The following DYNC1I2 variants were observed in gnomAD, a reference collection of about 807,000 sequenced individuals.
DYNC1I2 encodes the protein cytoplasmic dynein 1 intermediate chain 2.
Under a neutral mutation model 88.6 loss-of-function variants are expected in DYNC1I2, and 53 were observed. The observed-to-expected ratio is 0.60, with a 90% confidence interval of 0.48 to 0.75. DYNC1I2 has a LOEUF of 0.75. Among genes scored for constraint, DYNC1I2 ranks in the 30% least tolerant of loss-of-function variants. The pLI is 0.00. For missense variants in DYNC1I2, 458 were observed against 766.6 expected (o/e 0.60, Z 4.75); for synonymous variants, 198 against 254.6 (o/e 0.78, Z 2.12).
At position 171,726,841 on chromosome 2, in the gene DYNC1I2, T is replaced by C. The variant is rs779843966; in HGVS notation, c.921T>C (p.His307=). ...ATAACAACAATGAAGATGCCCCTCA[T>C]GAGCCTGATGGTGTGGCCCTTGTAT... is the stretch of plus-strand genomic sequence containing the variant. ...ASYNNNEDAP[H]EPDGVALVWN... The change falls in exon 11 of 18, where the codon CAT becomes CAC. Residue 307 remains histidine (H), a synonymous_variant. Transcript: ENST00000397119. The C allele has an allele frequency of 1.2e-5, 20 of 1,613,146 alleles. No homozygotes were observed. The Admixed American group carries it at 3.2e-4, about 26-fold the overall frequency.
chr2:171,697,264 C>G (rs575310474), intron 3 of DYNC1I2, among the ~76,000 whole-genome samples: 26 of 152,228 alleles, frequency 1.7e-4, no homozygotes, highest in African/African-American at 2.4e-4. Context: ...CAAAGCGATC[C>G]TCCTGCCTTG....
At chr2:171,747,086 G>A (rs913280300) in intron 17 of DYNC1I2, among the ~76,000 whole-genome samples, 2 of 151,144 alleles carry the variant, frequency 1.3e-5, no homozygotes, top group Admixed American at 1.3e-4. Flanking sequence ...CCCAGCTACT[G>A]GGGAGGCTGA....
chr2:171,721,503 AG>A (rs1687900127), intron 7 of DYNC1I2, among the ~76,000 whole-genome samples: 1 of 152,216 alleles, frequency 6.6e-6, no homozygotes, highest in Admixed American at 6.5e-5. Context: ...GACCCAGAAA[AG>A]AAGGGATTTT....
At chr2:171,742,654 T>C (rs1227275074) in intron 15 of DYNC1I2, among the ~76,000 whole-genome samples, 1 of 152,104 alleles carries the variant, frequency 6.6e-6, no homozygotes, top group Non-Finnish European at 1.5e-5. Flanking sequence ...AGGGAGGGAA[T>C]GGGCAAGGAT....
intron 17 of DYNC1I2, 51 bp from the exon 18 acceptor site, chr2:171,747,725 A>G: frequency 7.6e-7 from 1 of 1,320,122 alleles, no homozygotes; most frequent in Non-Finnish European, 1.1e-6. Context: ...AATAGTGGGT[A>G]AAATGATCTT....
chr2:171,733,675 T>A (rs1450990681), intron 15 of DYNC1I2, among the ~76,000 whole-genome samples: 3 of 151,710 alleles, frequency 2.0e-5, no homozygotes, highest in Non-Finnish European at 4.4e-5. Flanking sequence ...GGATATTAGA[T>A]CTTCGTCAGA....
At chr2:171,739,537 T>C (rs1188461359) in intron 15 of DYNC1I2, among the ~76,000 whole-genome samples, 1 of 152,000 alleles carries the variant, frequency 6.6e-6, no homozygotes, top group Non-Finnish European at 1.5e-5. Context: ...ATAAAACCTC[T>C]TTAAAAAATA....
rs371844452 is a variant in DYNC1I2 at position 171,704,822 on chromosome 2, A to G, written c.227-1725A>G. ...AGTATTCTTTGATTTTTCTAGATTA[A>G]TTGGATTAAAATGTAGCAGTTACCA... On this transcript the variant is annotated intron_variant, in intron 3 of 17. Transcript: ENST00000397119. Among the ~76,000 whole-genome samples, 88 of 152,290 alleles carry G rather than the reference A, an allele frequency of 5.8e-4. 1 individual carries two copies. In the South Asian group the frequency reaches 0.015, roughly 26 times the overall value.
In DYNC1I2 at chr2:171,748,860, C is replaced by CAA. The variant is rs2105802204; in HGVS notation, c.*972_*973insAA. 6.6e-6 allele frequency among the ~76,000 whole-genome samples: 1 copy of CAA among 152,244 alleles called. No individual in the cohort carries two copies. The highest frequency in any genetic ancestry group is 1.5e-5 in the Non-Finnish European group (1 of 68,008). On this transcript the variant is annotated 3_prime_UTR_variant, in exon 18 of 18. Coordinates refer to ENST00000397119, the MANE Select transcript of DYNC1I2 (RefSeq NM_001378.3). ...AAATCTACATCTTGAGATCTGTTGCCACAGCATTGTCTACAAGTCCGAAAG... is the reference window on the plus strand; with the variant it reads ...AAATCTACATCTTGAGATCTGTTGCCAAACAGCATTGTCTACAAGTCCGAAAG...
chr2:171,705,024 C>A (rs1425520722), intron 3 of DYNC1I2, among the ~76,000 whole-genome samples: 1 of 151,936 alleles, frequency 6.6e-6, no homozygotes, highest in Non-Finnish European at 1.5e-5. Flanking sequence ...TTGGCTTGAA[C>A]CTATATTTGG....
intron 5 of DYNC1I2, among the ~76,000 whole-genome samples, chr2:171,710,734 GCT>G (rs990781887): frequency 1.1e-4 from 15 of 140,784 alleles, no homozygotes; most frequent in African/African-American, 4.0e-4. Context: ...TCAGAGTCTT[GCT>G]CTGTTGTCCG....
At chr2:171,692,074 G>C (rs532271045) in intron 2 of DYNC1I2, among the ~76,000 whole-genome samples, 4 of 151,884 alleles carry the variant, frequency 2.6e-5, no homozygotes, top group African/African-American at 9.7e-5. Flanking sequence ...GGTGGCATAG[G>C]GATTTGAGAT....
At chr2:171,697,598 A>G (rs1190215141) in intron 3 of DYNC1I2, among the ~76,000 whole-genome samples, 3 of 152,156 alleles carry the variant, frequency 2.0e-5, no homozygotes, top group Non-Finnish European at 4.4e-5. Context: ...GAACGAAGAA[A>G]GATATTTGGG....
intron 15 of DYNC1I2, among the ~76,000 whole-genome samples, chr2:171,739,129 C>T (rs1689224460): frequency 1.3e-5 from 2 of 150,608 alleles, no homozygotes; most frequent in Non-Finnish European, 3.0e-5. Flanking sequence ...AAGAAAACCA[C>T]CTTCTCAGAG....
chr2:171,739,711 T>C (rs931332164), intron 15 of DYNC1I2, among the ~76,000 whole-genome samples: 13 of 131,650 alleles, frequency 9.9e-5, no homozygotes, highest in African/African-American at 3.6e-4. Context: ...TTTTTTTTTT[T>C]TTTTTTTTTT....
rs1167729535 is a variant in DYNC1I2, at chr2:171,727,894, T to C, written c.1070T>C (p.Ile357Thr). Residue 357 changes from isoleucine (I) to threonine (T), a missense_variant, in exon 12 of 18, where the codon ATT becomes ACT. Around this residue, in one of 5 missense-constraint regions of DYNC1I2, gnomAD observed 203 missense variants for 354.2 expected, o/e 0.57. Coordinates refer to ENST00000397119, the MANE Select transcript of DYNC1I2 (RefSeq NM_001378.3). ...LVVGGTYSGQ[I>T]VLWDNRSNKR... is the part of the protein sequence containing the mutation. ...GTTGGTGGTACATATTCAGGCCAAA[T>C]TGTGCTTTGGGATAACCGTAGCAAT... The C allele has an allele frequency of 1.4e-5, 23 of 1,613,244 alleles. No homozygotes were observed. Among genetic ancestry groups the C allele is most frequent in the African/African-American group, 2.7e-5 (2 of 74,902 alleles).
chr2:171,746,093 C>G (rs1689758493), intron 17 of DYNC1I2, among the ~76,000 whole-genome samples, 166 bp downstream of exon 17: 1 of 152,160 alleles, frequency 6.6e-6, no homozygotes, highest in Non-Finnish European at 1.5e-5. Context: ...GAAACATTTT[C>G]TTTCTAAACC....
At chr2:171,728,975 T>G (rs984564873) in intron 14 of DYNC1I2, 125 bp downstream of exon 14, 21 of 1,060,862 alleles carry the variant, frequency 2.0e-5, no homozygotes, top group Non-Finnish European at 2.7e-5. Flanking sequence ...TTTTTTGTGT[T>G]CAGGCACATA....
chr2:171,747,221 A>ATATATATATATG (rs1689856674), intron 17 of DYNC1I2, among the ~76,000 whole-genome samples: 1 of 145,360 alleles, frequency 6.9e-6, no homozygotes, highest in South Asian at 2.2e-4. Flanking sequence ...ATATATATAT[A>ATATATATATATG]TATATATATA....
Sources: gnomAD v4.1 joint callset for allele counts (sites outside exome capture counted in the v4.1 genomes callset) on GRCh38, gnomAD v4.1.1 for gene constraint, gnomAD v4.1.1 regional missense constraint, MANE v1.5 for transcripts, NCBI Gene and HGNC (gene_info 2026-07-23, HGNC 2026-07-21) for gene names.